Variants in HPS1 observed in about 807,000 individuals in gnomAD.
The protein encoded by HPS1 is HPS1 biogenesis of lysosomal organelles complex 3 subunit 1.
HPS1 carries 59 observed loss-of-function variants against 90.6 expected under a neutral mutation model. That is an observed-to-expected ratio of 0.65 (90% CI 0.53 to 0.81). The LOEUF is 0.81. Ranked by LOEUF, HPS1 falls within the 30% of genes least tolerant of loss-of-function variation. The pLI is 0.00. For synonymous variants in HPS1, 388 were observed against 384.4 expected, an observed-to-expected ratio of 1.01 and a Z score of -0.11; for missense variants, 849 against 896.7, an observed-to-expected ratio of 0.95 and a Z score of 0.68.
At chr10:98,415,155 T>C (rs752513703), downstream of HPS1, 1 of 1,609,644 alleles carries the variant, frequency 6.2e-7, no homozygotes. Context: ...AGGCTGGGCC[T>C]TGCTAGGCAG....
At position 98,417,988 on chromosome 10, in the gene HPS1, A is replaced by C. The variant is rs918913662; in HGVS notation, c.1940+187T>G. 2.6e-5 allele frequency among the ~76,000 whole-genome samples: 4 copies of C among 152,108 alleles called. No individual in the cohort carries two copies. The highest frequency in any genetic ancestry group is 1.3e-4 in the Admixed American group (2 of 15,286). On this transcript the variant is annotated intron_variant, in intron 19 of 19. Transcript: ENST00000361490. This position sits in a 1 kb window ranked among gnomAD's most constrained non-coding sequence, Gnocchi z 4.2. ...ACCATGCCAGCAGGAAGGTGGTAGG[A>C]ACACAGATGTACCCTCCACACCCGT...
At chr10:98,433,635 C>T (rs1846846595) in intron 6 of HPS1, among the ~76,000 whole-genome samples, 1 of 152,114 alleles carries the variant, frequency 6.6e-6, no homozygotes, top group Middle Eastern at 3.2e-3. Flanking sequence ...GCCTTTAGCG[C>T]TGTGTTTTTC....
At chr10:98,432,164 C>T (rs920308227) in intron 6 of HPS1, among the ~76,000 whole-genome samples, 5 of 152,140 alleles carry the variant, frequency 3.3e-5, no homozygotes, top group Admixed American at 6.5e-5. Context: ...AAATAGGCAG[C>T]GATAGATCAC....
downstream of HPS1, chr10:98,415,099 C>T (rs1018837828): frequency 1.2e-6 from 2 of 1,613,880 alleles, no homozygotes; most frequent in Non-Finnish European, 8.5e-7. Flanking sequence ...GGAGAGGCGG[C>T]CACAGCCTTG....
intron 16 of HPS1, 29 bp downstream of exon 16, chr10:98,423,574 G>T: frequency 6.2e-7 from 1 of 1,609,128 alleles, no homozygotes; most frequent in Non-Finnish European, 8.5e-7. Flanking sequence ...AGGCTTGTTG[G>T]GCTGGCTGGG....
Position 98,417,873 on chromosome 10 carries a change from G to T in HPS1, c.1941-147C>A. On this transcript the variant is annotated intron_variant, in intron 19 of 19. Coordinates refer to ENST00000361490, the MANE Select transcript of HPS1 (RefSeq NM_000195.5). The surrounding 1 kb of genome is among the most constrained non-coding windows in gnomAD (Gnocchi z 4.2). ...CATGTGGGCCTTGACAACCGCTCCG[G>T]TTCCTCACTGACCTAACAGTGGCAT... is the stretch of plus-strand genomic sequence containing the variant. 1.3e-6 allele frequency: 1 copy of T among 749,030 alleles called. No homozygotes were observed. The highest frequency in any genetic ancestry group is 2.3e-6 in the Non-Finnish European group (1 of 440,832). The allele number at this position is 749,030 out of a possible 1,614,324, so 46.4% of individuals were successfully genotyped here.
At chr10:98,420,365 G>A (rs754471283) in intron 17 of HPS1, 124 of 565,250 alleles carry the variant, frequency 2.2e-4, no homozygotes, top group Non-Finnish European at 3.4e-4. Context: ...GTTAGCGTGG[G>A]GGCAAAATAT....
At chr10:98,426,032 GACCCACCC>G in intron 11 of HPS1, 47 bp from the exon 12 acceptor site, 1 of 1,551,064 alleles carries the variant, frequency 6.4e-7, no homozygotes, top group Non-Finnish European at 8.9e-7. Context: ...CCCTAAGTTG[GACCCACCC>G]ATTGCGGCCC....
At chr10:98,428,070 C>G (rs888998072) in intron 10 of HPS1, among the ~76,000 whole-genome samples, 1 of 152,172 alleles carries the variant, frequency 6.6e-6, no homozygotes, top group African/African-American at 2.4e-5. Flanking sequence ...GTAAGAGGAA[C>G]TTCGGAGATT....
chr10:98,415,299 G>T, downstream of HPS1: 1 of 976,506 alleles, frequency 1.0e-6, no homozygotes, highest in Non-Finnish European at 1.5e-6. Flanking sequence ...CCAGCCTCCT[G>T]CTGCCCTGGG....
intron 2 of HPS1, among the ~76,000 whole-genome samples, chr10:98,444,090 GC>G (rs1307878379): frequency 6.6e-6 from 1 of 151,960 alleles, no homozygotes; most frequent in Admixed American, 6.6e-5. Flanking sequence ...CAGAAGATGA[GC>G]CTCAAAGCCC....
In HPS1 at chr10:98,425,639, G is replaced by A; in HGVS notation, c.1237C>T (p.Pro413Ser). ...GAGCGCAGGGAGGCCCCGGGCTCCG[G>A]CCCTTCCTTCAGCTTCTTCTCCAGC... The part of the protein sequence containing the change: ...SMLEKKLKEG[P>S]EPGASLRSQP... The change falls in exon 13 of 20, where the codon CCG becomes TCG. Residue 413 changes from proline to serine, a missense_variant. Physicochemically the swap from Pro to Ser is moderately conservative, Grantham distance 74. Coordinates refer to ENST00000361490, the MANE Select transcript of HPS1 (RefSeq NM_000195.5). 6.2e-7 allele frequency: 1 copy of A among 1,613,772 alleles called. No individual in the cohort carries two copies. The highest frequency in any genetic ancestry group is 8.5e-7 in the Non-Finnish European group (1 of 1,179,954).
chr10:98,443,026 A>T, intron 3 of HPS1, 98 bp downstream of exon 3: 2 of 872,280 alleles, frequency 2.3e-6, no homozygotes, highest in Non-Finnish European at 4.0e-6. Flanking sequence ...GCTGCCCAGG[A>T]CAGGGTGAAC....
intron 10 of HPS1, chr10:98,429,263 T>C (rs575611726): frequency 5.8e-6 from 7 of 1,210,204 alleles, no homozygotes; most frequent in Non-Finnish European, 7.4e-6. Context: ...ATTACTAAAT[T>C]TAACTTAATT....
chr10:98,428,369 A>G (rs1288474510), intron 10 of HPS1, among the ~76,000 whole-genome samples: 1 of 152,236 alleles, frequency 6.6e-6, no homozygotes, highest in East Asian at 1.9e-4. Flanking sequence ...AGCTTCAATA[A>G]TTGTTAAAGA....
chr10:98,443,649 C>T (rs373129951), intron 2 of HPS1, among the ~76,000 whole-genome samples: 1 of 152,206 alleles, frequency 6.6e-6, no homozygotes, highest in South Asian at 2.1e-4. Context: ...AGGCCATGCT[C>T]ACGGCAGCCA....
intron 3 of HPS1, among the ~76,000 whole-genome samples, chr10:98,438,477 G>A (rs533200844): frequency 1.1e-4 from 16 of 152,212 alleles, no homozygotes; most frequent in South Asian, 2.1e-4. Flanking sequence ...CAAAGAGACC[G>A]GCAGCATTTT....
In HPS1 at chr10:98,418,237, G is replaced by T; in HGVS notation, c.1878C>A (p.Ile626=). 2 of 1,608,854 alleles carry T rather than the reference G, an allele frequency of 1.2e-6. No individual in the cohort carries two copies. The highest frequency in any genetic ancestry group is 1.7e-6 in the Non-Finnish European group (2 of 1,176,426). ...AGTCGTCGGAGAGGACGGGCACCTCGATCATCTGGAGTTTGTACCCCTGAG... is the reference window on the plus strand; with the variant it reads ...AGTCGTCGGAGAGGACGGGCACCTCTATCATCTGGAGTTTGTACCCCTGAG... ...ENDMGYKLQM[I]EVPVLSDDSV... is the part of the protein sequence containing the mutation. The change falls in exon 19 of 20, where the codon ATC becomes ATA. Residue 626 remains isoleucine (I), a synonymous_variant. Transcript: ENST00000361490.
chr10:98,430,490 G>C, intron 8 of HPS1, 81 bp downstream of exon 8: 2 of 1,058,360 alleles, frequency 1.9e-6, no homozygotes, highest in Non-Finnish European at 2.9e-6. Flanking sequence ...TCCCCAGGGG[G>C]AGCCTGCCCA....
Sources: allele counts gnomAD v4.1 joint callset (sites outside exome capture counted in the v4.1 genomes callset), GRCh38; gene constraint gnomAD v4.1.1; non-coding constraint Gnocchi (gnomAD v3.1); transcripts MANE v1.5; gene names NCBI Gene and HGNC (gene_info 2026-07-23, HGNC 2026-07-21).